Variants in OSBPL10 observed in about 807,000 individuals in gnomAD.
OSBPL10 encodes oxysterol binding protein like 10, also known as oxysterol-binding protein-related protein 10.
OSBPL10 carries 49 observed loss-of-function variants against 81.7 expected under a neutral mutation model. That is an observed-to-expected ratio of 0.60 (90% confidence interval 0.48 to 0.76). The LOEUF is 0.76. OSBPL10 is among the 30% of genes least tolerant of loss of function. OSBPL10 has a pLI of 0.00. For missense variants in OSBPL10, 923 were observed against 987.8 expected, an observed-to-expected ratio of 0.93 and a Z score of 0.88; for synonymous variants, 419 against 383.6, an observed-to-expected ratio of 1.09 and a Z score of -1.08.
intron 7 of OSBPL10, among the ~76,000 whole-genome samples, chr3:31,694,117 T>C (rs2125574016): frequency 6.6e-6 from 1 of 152,268 alleles, no homozygotes; most frequent in East Asian, 1.9e-4. Context: ...TTGCCTGTAA[T>C]CCCAGCACTT....
intron 2 of OSBPL10, among the ~76,000 whole-genome samples, chr3:32,001,923 G>T (rs1173203879): frequency 6.6e-6 from 1 of 152,160 alleles, no homozygotes; most frequent in East Asian, 1.9e-4. Context: ...CTGAAGAAGA[G>T]AGATTATTAT....
intron 1 of OSBPL10, among the ~76,000 whole-genome samples, chr3:31,901,988 C>T (rs1696256156): frequency 6.6e-6 from 1 of 152,108 alleles, no homozygotes; most frequent in Non-Finnish European, 1.5e-5. Flanking sequence ...CAAGATTGCA[C>T]CACTGCACTC....
chr3:31,794,649 G>A lies in OSBPL10; in HGVS notation c.729+35391C>T. On this transcript the variant is annotated intron_variant, in intron 4 of 11. Coordinates refer to ENST00000396556, the MANE Select transcript of OSBPL10 (RefSeq NM_017784.5). The stretch of plus-strand genomic sequence containing the variant: ...CTTCCCTGGGTTGTTGGTGTGGAGT[G>A]AAAGATGAAGAGGCACCATATAAGC... 3 of 319,622 alleles carry A rather than the reference G, an allele frequency of 9.4e-6. No individual in the cohort carries two copies. In the South Asian group the frequency reaches 1.2e-4, roughly 12 times the overall value. The allele number at this position is 319,622 out of a possible 1,614,324, so 19.8% of individuals were successfully genotyped here.
chr3:31,714,530 G>A (rs144947446), intron 6 of OSBPL10: 3 of 152,708 alleles, frequency 2.0e-5, no homozygotes, highest in African/African-American at 7.2e-5. Context: ...AACACGATGG[G>A]CAAATAGAAA....
chr3:31,787,072 T>C (rs1220946742), intron 4 of OSBPL10, among the ~76,000 whole-genome samples: 1 of 152,246 alleles, frequency 6.6e-6, no homozygotes, highest in Non-Finnish European at 1.5e-5. Context: ...GCACAATGCC[T>C]GGCATAGAAT....
rs1023709300 is a variant in OSBPL10, at chr3:31,988,974, G to A, written n.298+57517C>T. The A allele has an allele frequency of 1.4e-5, 21 of 1,472,600 alleles. No homozygotes were observed. In the East Asian group the frequency reaches 4.4e-4, roughly 31 times the overall value. The allele number at this position is 1,472,600 out of a possible 1,614,324, so 91.2% of individuals were successfully genotyped here. A position where few individuals can be genotyped will look rare whatever the true frequency, so the allele number is the denominator to read the frequency against. On this transcript the variant is annotated intron_variant and non_coding_transcript_variant, in intron 2 of 3. Coordinates refer to the OSBPL10 transcript ENST00000479173. ...ATCAGTGTTTGTTGCCTTAAGCCAC[G>A]AAGTTTGTGATAATTTGTTTCTCGG... is the stretch of plus-strand genomic sequence containing the variant.
chr3:31,683,625 A>G lies in OSBPL10; in HGVS notation c.1726+9T>C, dbSNP rs1559413850. 2 of 1,603,366 alleles carry G rather than the reference A, an allele frequency of 1.2e-6. No individual in the cohort carries two copies. The highest frequency in any genetic ancestry group is 2.2e-5 in the East Asian group (1 of 44,594). ...TAAGAGCCAAACTCCAACATACGAC[A>G]TGGCTTACCTTCCCCTATCATAGAG... is the stretch of plus-strand genomic sequence containing the variant. On this transcript the variant is annotated intron_variant, in intron 8 of 11. Transcript: ENST00000396556.
chr3:32,006,373 G>A (rs1039029631), intron 2 of OSBPL10, among the ~76,000 whole-genome samples: 27 of 152,244 alleles, frequency 1.8e-4, no homozygotes, highest in African/African-American at 6.5e-4. Context: ...TTTTGATGAT[G>A]TAAAAATCTC....
At chr3:31,836,023 A>C (rs2125542030) in intron 3 of OSBPL10, among the ~76,000 whole-genome samples, 1 of 152,144 alleles carries the variant, frequency 6.6e-6, no homozygotes, top group East Asian at 1.9e-4. Flanking sequence ...TTTGTTTTTT[A>C]GTTGTCTATT....
chr3:31,664,482 G>A, intron 10 of OSBPL10: 2 of 573,236 alleles, frequency 3.5e-6, no homozygotes, highest in Non-Finnish European at 6.2e-6. Context: ...GGAGATTCTG[G>A]GAATCAAATC....
intron 2 of OSBPL10, among the ~76,000 whole-genome samples, chr3:32,026,061 A>AGATGATT (rs71628593): frequency 1.1e-5 from 1 of 90,764 alleles, no homozygotes; most frequent in Non-Finnish European, 2.5e-5. Flanking sequence ...GATAGATGAT[A>AGATGATT]GATAGATAGA....
At chr3:32,024,093 T>C (rs1193866973) in intron 2 of OSBPL10, among the ~76,000 whole-genome samples, 1 of 152,196 alleles carries the variant, frequency 6.6e-6, no homozygotes, top group Non-Finnish European at 1.5e-5. Flanking sequence ...TATCACACTG[T>C]CTTGATTACT....
intron 1 of OSBPL10, among the ~76,000 whole-genome samples, chr3:31,962,874 G>A (rs1473011411): frequency 1.3e-5 from 2 of 152,174 alleles, no homozygotes; most frequent in East Asian, 3.8e-4. Context: ...CTATGCGCCA[G>A]GCACTGTGCC....
chr3:31,679,974 C>G (rs1700595516), intron 8 of OSBPL10, among the ~76,000 whole-genome samples: 1 of 152,136 alleles, frequency 6.6e-6, no homozygotes, highest in Non-Finnish European at 1.5e-5. Context: ...AACCGGAGCT[C>G]TTAGTTCACA....
chr3:31,892,636 T>G (rs909559889), intron 1 of OSBPL10, among the ~76,000 whole-genome samples: 2 of 152,224 alleles, frequency 1.3e-5, no homozygotes, highest in Admixed American at 6.5e-5. Context: ...GGATCATGCC[T>G]GGGCTGTCCC....
chr3:31,882,698 G>C (rs1020953631), intron 1 of OSBPL10, among the ~76,000 whole-genome samples: 2 of 152,124 alleles, frequency 1.3e-5, no homozygotes, highest in Non-Finnish European at 2.9e-5. Flanking sequence ...CACTGGAATG[G>C]AGACAACCTA....
Position 31,664,071 on chromosome 3 carries a change from A to G in OSBPL10, c.2250+8T>C, listed in dbSNP as rs759220245. The G allele has an allele frequency of 6.2e-7, 1 of 1,614,152 alleles. No individual in the cohort carries two copies. The highest frequency in any genetic ancestry group is 1.1e-5 in the South Asian group (1 of 91,084). On this transcript the variant is annotated splice_region_variant and intron_variant, in intron 11 of 11. Transcript: ENST00000396556. ...GGGCAAGGGACCAATGACAGGCGGCAGAGTTACCTCCTGGATAAAATATTT... is the reference window on the plus strand; with the variant it reads ...GGGCAAGGGACCAATGACAGGCGGCGGAGTTACCTCCTGGATAAAATATTT...
At chr3:32,013,264 C>G (rs1699278135) in intron 2 of OSBPL10, among the ~76,000 whole-genome samples, 1 of 152,154 alleles carries the variant, frequency 6.6e-6, no homozygotes, top group South Asian at 2.1e-4. Context: ...ACGGTGCAAA[C>G]AAACTAGAAC....
intron 4 of OSBPL10, among the ~76,000 whole-genome samples, chr3:31,816,592 A>C (rs892979086): frequency 6.6e-6 from 1 of 152,244 alleles, no homozygotes; most frequent in African/African-American, 2.4e-5. Flanking sequence ...GGCCAGGCAC[A>C]GTAGCTCATG....
Sources: gnomAD v4.1 joint callset for allele counts (sites outside exome capture counted in the v4.1 genomes callset) on GRCh38, gnomAD v4.1.1 for gene constraint, MANE v1.5 for transcripts, NCBI Gene and HGNC (gene_info 2026-07-23, HGNC 2026-07-21) for gene names.